MACROD2: variants seen among roughly 807,000 people sequenced by gnomAD.
The protein encoded by MACROD2 is mono-ADP ribosylhydrolase 2, also known as ADP-ribose glycohydrolase MACROD2.
A neutral mutation model predicts 70.4 loss-of-function variants in MACROD2; 36 were observed. The ratio of observed to expected loss-of-function variants is 0.51; its 90% CI spans 0.39 to 0.68. MACROD2 has a LOEUF of 0.68. Ranked by LOEUF, MACROD2 falls within the 30% of genes least tolerant of loss-of-function variation. The probability of loss-of-function intolerance (pLI) is 0.00; values close to 1 mark genes in which losing one functional copy is unlikely to be tolerated. For missense variants in MACROD2, 496 were observed against 538.4 expected (o/e 0.92, Z 0.78); for synonymous variants, 172 against 178.8 (o/e 0.96, Z 0.30).
chr20:14,999,190 C>A (rs2074973886), intron 5 of MACROD2, among the ~76,000 whole-genome samples: 2 of 152,292 alleles, frequency 1.3e-5, no homozygotes, highest in African/African-American at 4.8e-5. Context: ...AGGAAATCAT[C>A]TGAAGGCACA....
chr20:15,930,634 G>A (rs1026627223), intron 10 of MACROD2, among the ~76,000 whole-genome samples: 11 of 152,192 alleles, frequency 7.2e-5, no homozygotes, highest in Admixed American at 2.6e-4. Flanking sequence ...TGTTTCTTGA[G>A]TTTGCTTCCC....
At chr20:15,721,769 T>C (rs1196745237) in intron 8 of MACROD2, among the ~76,000 whole-genome samples, 1 of 152,156 alleles carries the variant, frequency 6.6e-6, no homozygotes, top group Admixed American at 6.6e-5. Flanking sequence ...AAAGAGTGCA[T>C]AGAATGTATC....
At chr20:15,821,054 A>G (rs1398786139) in intron 8 of MACROD2, among the ~76,000 whole-genome samples, 7 of 152,196 alleles carry the variant, frequency 4.6e-5, no homozygotes, top group African/African-American at 1.7e-4. Context: ...CCTTGGTCAT[A>G]CTGCAAATAT....
chr20:15,909,563 G>T (rs1370402194), intron 10 of MACROD2, among the ~76,000 whole-genome samples: 1 of 110,228 alleles, frequency 9.1e-6, no homozygotes, highest in Non-Finnish European at 1.7e-5. Flanking sequence ...TCTCTCTGTC[G>T]CCCAGGCTGG....
At chr20:15,340,130 CTTTTTTTTTTTTTT>C (rs869080087) in intron 6 of MACROD2, among the ~76,000 whole-genome samples, 29 of 39,312 alleles carry the variant, frequency 7.4e-4, no homozygotes, top group African/African-American at 2.6e-3. Flanking sequence ...TTCTTTCTTT[CTTTTTTTTTTTTTT>C]TTTTTTTTTT....
chr20:14,140,098 A>G (rs962037083), intron 3 of MACROD2, among the ~76,000 whole-genome samples: 1 of 152,208 alleles, frequency 6.6e-6, no homozygotes, highest in Non-Finnish European at 1.5e-5. Flanking sequence ...TGGATAAGGG[A>G]TACTCAACCT....
chr20:14,555,634 A>G (rs907516529), intron 4 of MACROD2, among the ~76,000 whole-genome samples: 17 of 152,080 alleles, frequency 1.1e-4, no homozygotes, highest in African/African-American at 3.6e-4. Context: ...GAAGACACCT[A>G]TATTCCTTTT....
intron 5 of MACROD2, among the ~76,000 whole-genome samples, chr20:14,995,193 A>G (rs996739683): frequency 6.6e-6 from 1 of 152,156 alleles, no homozygotes; most frequent in Non-Finnish European, 1.5e-5. Flanking sequence ...GAGATAAGAT[A>G]TGGAATATTA....
At chr20:14,827,080 C>T (rs1163390801) in intron 5 of MACROD2, among the ~76,000 whole-genome samples, 1 of 152,000 alleles carries the variant, frequency 6.6e-6, no homozygotes, top group Admixed American at 6.6e-5. Flanking sequence ...GAGCAGCAAC[C>T]CTGTTTTATT....
At chr20:14,501,753 T>C (rs1490873173) in intron 4 of MACROD2, among the ~76,000 whole-genome samples, 2 of 152,154 alleles carry the variant, frequency 1.3e-5, no homozygotes, top group Admixed American at 6.5e-5. Flanking sequence ...ATAAAAATAA[T>C]GGAAGCCCTC....
intron 4 of MACROD2, among the ~76,000 whole-genome samples, chr20:14,617,888 G>T (rs889109692): frequency 3.3e-5 from 5 of 152,110 alleles, no homozygotes; most frequent in Non-Finnish European, 7.4e-5. Flanking sequence ...GGAATGCTTT[G>T]GTGGTTATTT....
intron 2 of MACROD2, among the ~76,000 whole-genome samples, chr20:14,031,770 A>C (rs570271146): frequency 2.5e-4 from 38 of 149,434 alleles, no homozygotes; most frequent in African/African-American, 8.7e-4. Context: ...CCTAATGAAT[A>C]AATACTGTTA....
At chr20:15,129,882 C>G (rs890444518) in intron 5 of MACROD2, among the ~76,000 whole-genome samples, 6 of 151,958 alleles carry the variant, frequency 3.9e-5, no homozygotes, top group African/African-American at 1.4e-4. Context: ...GTGAGTCACT[C>G]AGGTGGGCAG....
chr20:14,187,568 T>C (rs180955590), intron 3 of MACROD2, among the ~76,000 whole-genome samples: 9 of 152,312 alleles, frequency 5.9e-5, no homozygotes, highest in Admixed American at 5.9e-4. Flanking sequence ...AAAGGACATA[T>C]AACTGGTTTA....
At chr20:14,045,061 C>A (rs773557572) in intron 2 of MACROD2, among the ~76,000 whole-genome samples, 1 of 152,200 alleles carries the variant, frequency 6.6e-6, no homozygotes, top group Non-Finnish European at 1.5e-5. Flanking sequence ...GCTTGCGGGC[C>A]GGCTTGCCGC....
chr20:14,901,560 A>AT (rs2073894639), intron 5 of MACROD2, among the ~76,000 whole-genome samples: 1 of 152,030 alleles, frequency 6.6e-6, no homozygotes, highest in East Asian at 1.9e-4. Flanking sequence ...AATTTCATGA[A>AT]TTTTTTTCCA....
intron 8 of MACROD2, among the ~76,000 whole-genome samples, chr20:15,841,603 G>A (rs2064171413): frequency 6.6e-6 from 1 of 151,990 alleles, no homozygotes; most frequent in Non-Finnish European, 1.5e-5. Flanking sequence ...CAGTATTTAC[G>A]GGATGGTGCT....
At position 14,862,544 on chromosome 20, in the gene MACROD2, A is replaced by T. The variant is rs71331804; in HGVS notation, c.418+177585A>T. Among the ~76,000 whole-genome samples, 20 of 7,462 alleles carry T rather than the reference A, an allele frequency of 2.7e-3. 2 individuals are homozygous for T. Among genetic ancestry groups the T allele is most frequent in the Admixed American group, 3.2e-3 (1 of 312 alleles). 4.9% of individuals were successfully genotyped at this position (7,462 alleles called of 152,430 possible). ...AAATATAAATATATATAAATATATA[A>T]AAATATATATATAAATATAAATATA... is the stretch of plus-strand genomic sequence containing the variant. On this transcript the variant is annotated intron_variant, in intron 5 of 17. Coordinates refer to ENST00000684519, the MANE Select transcript of MACROD2 (RefSeq NM_001351661.2).
chr20:14,148,881 TC>T, intron 3 of MACROD2, among the ~76,000 whole-genome samples: 1 of 152,226 alleles, frequency 6.6e-6, no homozygotes. Flanking sequence ...AGTTAATAGG[TC>T]CCTCTTCTGC....
Sources: allele counts gnomAD v4.1 joint callset (sites outside exome capture counted in the v4.1 genomes callset), GRCh38; gene constraint gnomAD v4.1.1; transcripts MANE v1.5; gene names NCBI Gene and HGNC (gene_info 2026-07-23, HGNC 2026-07-21).